The following GRM3 variants were observed in gnomAD, a reference collection of about 807,000 sequenced individuals.
GRM3 encodes the protein metabotropic glutamate receptor 3.
Under a neutral mutation model 70.5 loss-of-function variants are expected in GRM3, and 26 were observed. The ratio of observed to expected loss-of-function variants is 0.37; its 90% confidence interval spans 0.27 to 0.51. The LOEUF is 0.51. Ranked by LOEUF, GRM3 falls within the 20% of genes least tolerant of loss-of-function variation. The pLI is 0.93. For missense variants in GRM3, 859 were observed against 1,123.8 expected (o/e 0.76, Z 3.37); for synonymous variants, 443 against 434.9 (o/e 1.02, Z -0.23).
Position 86,787,109 on chromosome 7 carries a change from C to T in GRM3, c.1317C>T (p.Asn439=). Residue 439 remains asparagine (N), a synonymous_variant, in exon 3 of 6, where the codon AAC becomes AAT. Coordinates refer to ENST00000361669, the MANE Select transcript of GRM3 (RefSeq NM_000840.3). Reference sequence around the variant, plus strand: ...ACAAGGATTACTTGCTGAAAATCAACTTCACGGGTAAGCCAAGAGCCTTTA... The same window carrying T: ...ACAAGGATTACTTGCTGAAAATCAATTTCACGGGTAAGCCAAGAGCCTTTA... ...KLYKDYLLKI[N]FTAPFNPNKD... is the part of the protein sequence containing the mutation. 3 of 1,600,110 alleles carry T rather than the reference C, an allele frequency of 1.9e-6. No homozygotes were observed. Among genetic ancestry groups the T allele is most frequent in the Middle Eastern group, 1.7e-4 (1 of 6,026 alleles).
chr7:86,770,074 G>A (rs761751064), intron 2 of GRM3, among the ~76,000 whole-genome samples: 9 of 152,078 alleles, frequency 5.9e-5, no homozygotes, highest in Non-Finnish European at 1.2e-4. Context: ...TGTGCTTTTC[G>A]AATAGACTGT....
chr7:86,827,497 T>TA (rs1472895091), intron 3 of GRM3, among the ~76,000 whole-genome samples: 2 of 151,512 alleles, frequency 1.3e-5, no homozygotes, highest in Non-Finnish European at 2.9e-5. Flanking sequence ...CTGGAAAATA[T>TA]AAAAAACTCA....
chr7:86,644,739 G>A lies in GRM3; in HGVS notation c.-274G>A, dbSNP rs570676833. 2.6e-4 allele frequency: 319 copies of A among 1,213,242 alleles called. 1 individual carries two copies. The highest frequency in any genetic ancestry group is 2.2e-3 in the Middle Eastern group (10 of 4,582). 75.2% of individuals were successfully genotyped at this position (1,213,242 alleles called of 1,614,324 possible). A position where few individuals can be genotyped will look rare whatever the true frequency, so the allele number is the denominator to read the frequency against. On this transcript the variant is annotated 5_prime_UTR_variant, in exon 1 of 6. Transcript: ENST00000361669. ...ATAAGTTCTCCCTTGGATTTGGAAA[G>A]GACAAAGCCAGTAAGCTACCTCTTT...
chr7:86,746,179 A>G (rs1796097225), intron 1 of GRM3, among the ~76,000 whole-genome samples: 1 of 151,586 alleles, frequency 6.6e-6, no homozygotes, highest in Admixed American at 6.6e-5. Flanking sequence ...ATCTGGCTCT[A>G]TAATCTTTAT....
At chr7:86,821,746 A>C (rs1235104996) in intron 3 of GRM3, among the ~76,000 whole-genome samples, 1 of 152,112 alleles carries the variant, frequency 6.6e-6, no homozygotes, top group African/African-American at 2.4e-5. Context: ...GAGACCCCAG[A>C]AAAGAGATTG....
chr7:86,712,805 A>G (rs1294736002), intron 1 of GRM3, among the ~76,000 whole-genome samples: 2 of 152,086 alleles, frequency 1.3e-5, no homozygotes, highest in African/African-American at 2.4e-5. Flanking sequence ...GCTGCAAATA[A>G]CAGAATTTCA....
At chr7:86,686,195 G>T (rs949215599) in intron 1 of GRM3, among the ~76,000 whole-genome samples, 4 of 152,116 alleles carry the variant, frequency 2.6e-5, no homozygotes, top group Admixed American at 2.6e-4. Flanking sequence ...GATCCTAAAG[G>T]AAGACATATG....
At chr7:86,694,222 A>T (rs1794758354) in intron 1 of GRM3, among the ~76,000 whole-genome samples, 1 of 152,172 alleles carries the variant, frequency 6.6e-6, no homozygotes, top group African/African-American at 2.4e-5. Flanking sequence ...GTACAAACTC[A>T]TTCTTAAAAA....
intron 1 of GRM3, among the ~76,000 whole-genome samples, chr7:86,710,913 T>C (rs1323683038): frequency 3.9e-5 from 6 of 152,194 alleles, no homozygotes; most frequent in Admixed American, 2.6e-4. Context: ...AAAGGGTGCC[T>C]GAAGTCACAG....
At chr7:86,832,020 T>A (rs1489618694) in intron 3 of GRM3, among the ~76,000 whole-genome samples, 1 of 152,126 alleles carries the variant, frequency 6.6e-6, no homozygotes, top group Non-Finnish European at 1.5e-5. Context: ...AGCCAGTGAT[T>A]CATTCTTATT....
chr7:86,696,367 A>AT (rs5885555), intron 1 of GRM3, among the ~76,000 whole-genome samples: 44,564 of 152,014 alleles, frequency 0.29, 8,482 homozygotes, highest in East Asian at 0.72. Flanking sequence ...AATAGTAAAG[A>AT]TTGGGGGGAT....
chr7:86,740,637 A>G (rs1446141763), intron 1 of GRM3, among the ~76,000 whole-genome samples: 2 of 152,224 alleles, frequency 1.3e-5, no homozygotes, highest in Non-Finnish European at 2.9e-5. Context: ...AATATTAAAG[A>G]TTTAAAAGTC....
intron 1 of GRM3, among the ~76,000 whole-genome samples, chr7:86,655,758 A>C (rs972191284): frequency 6.6e-6 from 1 of 151,964 alleles, no homozygotes; most frequent in Admixed American, 6.6e-5. Context: ...CAAGATGGTT[A>C]TAGGAAAAAA....
chr7:86,822,187 C>T lies in GRM3; in HGVS notation c.1325-16652C>T, dbSNP rs528241578. On this transcript the variant is annotated intron_variant, in intron 3 of 5. Coordinates refer to ENST00000361669, the MANE Select transcript of GRM3 (RefSeq NM_000840.3). ...CACTAACGCAGATATTTTGAATATA[C>T]GGTGCAGGATAAACAAAACAATTCT... Among the ~76,000 whole-genome samples the T allele has an allele frequency of 5.3e-5, 8 of 151,764 alleles. No homozygotes were observed. The South Asian group carries it at 1.5e-3, about 28-fold the overall frequency.
intron 2 of GRM3, among the ~76,000 whole-genome samples, chr7:86,777,531 C>T (rs1287293695): frequency 1.3e-5 from 2 of 152,110 alleles, no homozygotes; most frequent in East Asian, 1.9e-4. Context: ...TTGTTGACCT[C>T]TTCATATTAT....
chr7:86,793,066 G>A (rs1342796151), intron 3 of GRM3, among the ~76,000 whole-genome samples: 4 of 145,244 alleles, frequency 2.8e-5, no homozygotes, highest in Non-Finnish European at 6.0e-5. Context: ...CAGACTACTG[G>A]GATCAGAGAC....
In GRM3 at chr7:86,765,545, A is replaced by G; in HGVS notation, c.400A>G (p.Ile134Val). 1 of 1,613,736 alleles carries G rather than the reference A, an allele frequency of 6.2e-7. No homozygotes were observed. The highest frequency in any genetic ancestry group is 8.5e-7 in the Non-Finnish European group (1 of 1,179,722). The change falls in exon 2 of 6, where the codon ATT (isoleucine) becomes GTT (valine). Residue 134 changes from isoleucine to valine, a missense_variant. Coordinates refer to ENST00000361669, the MANE Select transcript of GRM3 (RefSeq NM_000840.3). ...TATGTGTCCTGATGGATCCTATGCC[A>G]TTCAAGAAAACATCCCACTTCTCAT... ...EYMCPDGSYA[I>V]QENIPLLIAG...
intron 3 of GRM3, among the ~76,000 whole-genome samples, chr7:86,802,311 G>GTTTGTA (rs1797701230): frequency 6.6e-6 from 1 of 151,932 alleles, no homozygotes; most frequent in Admixed American, 6.6e-5. Flanking sequence ...AAAAAACAAG[G>GTTTGTA]TTTGTATTTA....
chr7:86,707,286 C>T (rs1584182033), intron 1 of GRM3, among the ~76,000 whole-genome samples: 4 of 152,106 alleles, frequency 2.6e-5, no homozygotes, highest in South Asian at 4.2e-4. Context: ...CACAAATATC[C>T]TTCACTTACT....
Sources: gnomAD v4.1 joint callset for allele counts (sites outside exome capture counted in the v4.1 genomes callset) on GRCh38, gnomAD v4.1.1 for gene constraint, MANE v1.5 for transcripts, NCBI Gene and HGNC (gene_info 2026-07-23, HGNC 2026-07-21) for gene names.